VN1R4: variants seen among roughly 807,000 people sequenced by gnomAD.
The protein encoded by VN1R4 is vomeronasal type-1 receptor 4.
For synonymous variants in VN1R4, 97 were observed against 138.8 expected (o/e 0.70, Z 2.12); for missense variants, 291 against 364.2 (o/e 0.80, Z 1.64).
exon 1 of VN1R4, chr19:53,267,307 T>A: frequency 6.2e-7 from 1 of 1,614,102 alleles, no homozygotes; most frequent in Non-Finnish European, 8.5e-7. Context: ...GGCTTTCTCT[T>A]TAAGTTTTGC....
rs141780644 is a variant in VN1R4, at chr19:53,267,572, A to G, written c.94T>C (p.Phe32Leu). The change falls in exon 1 of 1, where the codon TTT (phenylalanine) becomes CTT (leucine). Residue 32 changes from phenylalanine to leucine, a missense_variant. Phe to Leu is a conservative substitution (Grantham distance 22, BLOSUM62 0). Coordinates refer to ENST00000311170, the Ensembl canonical transcript of VN1R4. ...CTTAACCTGCACCCAGTGCAGTAAA[A>G]GGAGAGATAATGGAGAAGAACAGAG... 4.5e-4 allele frequency: 720 copies of G among 1,605,282 alleles called. 4 individuals carry two copies. The African/African-American group carries it at 8.4e-3, about 19-fold the overall frequency.
exon 1 of VN1R4, chr19:53,266,835 G>A (rs1306633898): frequency 6.2e-7 from 1 of 1,614,026 alleles, no homozygotes; most frequent in African/African-American, 1.3e-5. Context: ...TGAGAGTTGG[G>A]AAACATACAC....
the VN1R4 span, chr19:53,266,795 T>TG: frequency 6.2e-7 from 1 of 1,613,474 alleles, no homozygotes; most frequent in Non-Finnish European, 8.5e-7. Context: ...CTGTATACAC[T>TG]GGGGTCACAG....
At chr19:53,267,352 T>C in exon 1 of VN1R4, 3 of 1,613,932 alleles carry the variant, frequency 1.9e-6, no homozygotes, top group African/African-American at 1.3e-5. Flanking sequence ...CGTGATCACC[T>C]GGAAGACACT....
exon 1 of VN1R4, chr19:53,267,225 C>T (rs775381640): frequency 1.9e-6 from 3 of 1,610,470 alleles, no homozygotes; most frequent in Non-Finnish European, 2.5e-6. Flanking sequence ...CAGTCACATA[C>T]ATGGGAAAGA....
exon 1 of VN1R4, chr19:53,266,944 G>A (rs780039868): frequency 3.3e-5 from 53 of 1,613,192 alleles, no homozygotes; most frequent in Non-Finnish European, 4.4e-5. Flanking sequence ...AGACACAAAG[G>A]TGCTCACCAG....
chr19:53,267,236 T>C, exon 1 of VN1R4: 1 of 1,609,672 alleles, frequency 6.2e-7, no homozygotes, highest in Non-Finnish European at 8.5e-7. Flanking sequence ...ATGGGAAAGA[T>C]GATGTTTACC....
At chr19:53,266,823 G>A (rs145538875) in exon 1 of VN1R4, 244 of 1,613,992 alleles carry the variant, frequency 1.5e-4, no homozygotes, top group Middle Eastern at 3.3e-4. Context: ...GAACAAAGGG[G>A]CTGAGAGTTG....
rs374541518 is a variant in VN1R4 at position 53,267,000 on chromosome 19, G to A, written c.666C>T (p.Ser222=). Residue 222 remains serine, a synonymous_variant, in exon 1 of 1, where the codon TCC becomes TCT. Transcript: ENST00000311170. The stretch of plus-strand genomic sequence containing the variant: ...CTCTGTTCTCTGGGGAGGCTCTGGG[G>A]GAGAGATTGCTCCTATCAATGTGCT... The A allele has an allele frequency of 5.1e-5, 82 of 1,601,510 alleles. 1 individual carries two copies. The African/African-American group carries it at 1.0e-3, about 20-fold the overall frequency.
chr19:53,267,455 C>G (rs201484451), exon 1 of VN1R4: 2 of 1,614,170 alleles, frequency 1.2e-6, no homozygotes, highest in East Asian at 2.2e-5. Flanking sequence ...AAATATCTAA[C>G]CCCAAAAGCT....
At chr19:53,267,700 C>A (rs2091357150) in exon 1 of VN1R4, 1 of 1,537,496 alleles carries the variant, frequency 6.5e-7, no homozygotes, top group Non-Finnish European at 8.7e-7. Context: ...TGTTTGTCTT[C>A]AGGGCTGGGA....
chr19:53,266,951 C>A, exon 1 of VN1R4: 3 of 1,612,928 alleles, frequency 1.9e-6, no homozygotes, highest in Non-Finnish European at 2.5e-6. Flanking sequence ...AAGGTGCTCA[C>A]CAGGATGAGG....
At chr19:53,267,008 T>A in exon 1 of VN1R4, 1 of 1,567,646 alleles carries the variant, frequency 6.4e-7, no homozygotes, top group Middle Eastern at 1.8e-4. Flanking sequence ...GGGGAGAGAT[T>A]GCTCCTATCA....
chr19:53,267,067 C>T (rs1011549066), exon 1 of VN1R4: 3 of 1,613,090 alleles, frequency 1.9e-6, no homozygotes, highest in Non-Finnish European at 2.5e-6. Context: ...AACCATGGAG[C>T]TGCTGACCCA....
exon 1 of VN1R4, chr19:53,267,702 G>C: frequency 6.6e-7 from 1 of 1,524,936 alleles, no homozygotes; most frequent in South Asian, 1.3e-5. Context: ...TTTGTCTTCA[G>C]GGCTGGGAGG....
exon 1 of VN1R4, chr19:53,267,034 T>C (rs1485252882): frequency 1.9e-6 from 3 of 1,612,890 alleles, no homozygotes; most frequent in Non-Finnish European, 8.5e-7. Flanking sequence ...CTGGACCCGC[T>C]GCTTGTGCCT....
exon 1 of VN1R4, chr19:53,267,111 T>C: frequency 6.2e-7 from 1 of 1,612,756 alleles, no homozygotes; most frequent in East Asian, 2.2e-5. Context: ...CATCAGGGAA[T>C]GATAACAACA....
chr19:53,267,142 A>AT, the VN1R4 span: 1 of 1,612,710 alleles, frequency 6.2e-7, no homozygotes, highest in African/African-American at 1.3e-5. Context: ...TGTCTGTGCG[A>AT]TTTTGTTGTT....
rs375441687 is a variant in VN1R4 at position 53,267,484 on chromosome 19, C to T, written c.182G>A (p.Gly61Glu). 3.1e-5 allele frequency: 50 copies of T among 1,613,964 alleles called. No homozygotes were observed. Among genetic ancestry groups the T allele is most frequent in the Non-Finnish European group, 4.2e-5 (50 of 1,180,012 alleles). ...AAAAGCTGCCATTGTCTGGGGGACTCCTTTACAGCGGAGAGCTAAGAAGTT... is the reference window on the plus strand; with the variant it reads ...AAAAGCTGCCATTGTCTGGGGGACTTCTTTACAGCGGAGAGCTAAGAAGTT... The change falls in exon 1 of 1, where the codon GGA (glycine) becomes GAA (glutamate). Residue 61 changes from glycine (G) to glutamate (E), a missense_variant. By Grantham distance (98) the Gly-to-Glu change is moderately conservative (BLOSUM62 -2). Transcript: ENST00000311170.
Sources: allele counts gnomAD v4.1 joint callset, GRCh38; gene constraint gnomAD v4.1.1; transcripts MANE v1.5; gene names NCBI Gene and HGNC (gene_info 2026-07-23, HGNC 2026-07-21).